Variants in FUT9 observed in about 807,000 individuals in gnomAD.
FUT9 encodes the protein fucosyltransferase 9, also known as 4-galactosyl-N-acetylglucosaminide 3-alpha-L-fucosyltransferase 9.
Under a neutral mutation model 29.7 loss-of-function variants are expected in FUT9, and 15 were observed. The observed-to-expected ratio is 0.51, with a 90% CI of 0.34 to 0.78. The LOEUF (loss-of-function observed/expected upper bound fraction) is 0.78. FUT9 is among the 30% of genes least tolerant of loss of function. The pLI is 0.01. For missense variants in FUT9, 319 were observed against 425.4 expected, an observed-to-expected ratio of 0.75 and a Z score of 2.20; for synonymous variants, 169 against 153.7, an observed-to-expected ratio of 1.10 and a Z score of -0.74.
chr6:96,183,867 G>A (rs750092494), intron 2 of FUT9, among the ~76,000 whole-genome samples: 1 of 151,884 alleles, frequency 6.6e-6, no homozygotes, highest in Non-Finnish European at 1.5e-5. Context: ...AAGGAATTTT[G>A]CATCTATGTT....
rs575916082 is a variant in FUT9, at chr6:96,129,087, C to A, written c.-9+14960C>A. Among the ~76,000 whole-genome samples the A allele has an allele frequency of 1.7e-3, 242 of 141,106 alleles. 1 individual carries two copies. Among genetic ancestry groups the A allele is most frequent in the African/African-American group, 6.1e-3 (238 of 39,042 alleles). 92.6% of individuals were successfully genotyped at this position (141,106 alleles called of 152,430 possible). A position where few individuals can be genotyped will look rare whatever the true frequency, so the allele number is the denominator to read the frequency against. ...CTTGGCTAACACGGTGAAACCCTGT[C>A]TCTACTAAAAATACAAAAAAAAAAA... On this transcript the variant is annotated intron_variant, in intron 2 of 2. Transcript: ENST00000302103.
At chr6:96,132,820 G>T (rs1038430574) in intron 2 of FUT9, among the ~76,000 whole-genome samples, 9 of 152,030 alleles carry the variant, frequency 5.9e-5, no homozygotes, top group African/African-American at 2.2e-4. Context: ...AAGTATAATT[G>T]CCCAAGCAAA....
chr6:96,155,449 G>A (rs1352001169), intron 2 of FUT9, among the ~76,000 whole-genome samples: 1 of 152,000 alleles, frequency 6.6e-6, no homozygotes, highest in Non-Finnish European at 1.5e-5. Flanking sequence ...GTCCCTATAA[G>A]AAAAGCAAGA....
chr6:96,178,566 A>G (rs1319788605), intron 2 of FUT9, among the ~76,000 whole-genome samples: 1 of 152,164 alleles, frequency 6.6e-6, no homozygotes, highest in Non-Finnish European at 1.5e-5. Context: ...AATGCTAATG[A>G]GTCTCTTCGT....
chr6:96,074,943 AT>A (rs879728071), intron 1 of FUT9, among the ~76,000 whole-genome samples: 100 of 146,476 alleles, frequency 6.8e-4, no homozygotes, highest in Middle Eastern at 3.6e-3. Flanking sequence ...TGGCCAGCGA[AT>A]TTTTTTTTTT....
intron 2 of FUT9, among the ~76,000 whole-genome samples, chr6:96,184,821 A>ATC (rs540527913): frequency 6.6e-6 from 1 of 151,910 alleles, no homozygotes; most frequent in Non-Finnish European, 1.5e-5. Flanking sequence ...AGAGAGAAGC[A>ATC]TCTCTATTTT....
At chr6:96,057,792 G>C (rs1343625046) in intron 1 of FUT9, among the ~76,000 whole-genome samples, 1 of 152,108 alleles carries the variant, frequency 6.6e-6, no homozygotes, top group Non-Finnish European at 1.5e-5. Flanking sequence ...AGAGGACTTA[G>C]GAAGTTTTGA....
intron 2 of FUT9, among the ~76,000 whole-genome samples, chr6:96,170,403 T>C (rs921012925): frequency 6.6e-6 from 1 of 152,176 alleles, no homozygotes; most frequent in African/African-American, 2.4e-5. Context: ...GGATTTTTTC[T>C]AACCATAAAC....
At chr6:96,026,496 A>G (rs9404150) in intron 1 of FUT9, among the ~76,000 whole-genome samples, 25,296 of 151,624 alleles carry the variant, frequency 0.17, 2,831 homozygotes, top group East Asian at 0.34. Context: ...AGCCTAAACC[A>G]CAAAATATAT....
In FUT9 at chr6:96,044,998, T is replaced by C. The variant is rs140513445; in HGVS notation, c.-98+28786T>C. ...ACTGATTTCATTTGCTAAAGTTCGA[T>C]AAAATATGGGGAGTCAATCTAATTT... is the stretch of plus-strand genomic sequence containing the variant. On this transcript the variant is annotated intron_variant, in intron 1 of 2. Transcript: ENST00000302103. 3.0e-3 allele frequency among the ~76,000 whole-genome samples: 452 copies of C among 152,272 alleles called. 1 individual carries two copies. Among genetic ancestry groups the C allele is most frequent in the African/African-American group, 0.011 (438 of 41,558 alleles).
intron 1 of FUT9, among the ~76,000 whole-genome samples, chr6:96,103,327 C>G (rs1052639212): frequency 6.6e-6 from 1 of 152,070 alleles, no homozygotes; most frequent in African/African-American, 2.4e-5. Flanking sequence ...CTTATTCTGC[C>G]TTCTTTATAT....
chr6:96,094,725 C>G (rs984873409), intron 1 of FUT9, among the ~76,000 whole-genome samples: 1 of 152,032 alleles, frequency 6.6e-6, no homozygotes, highest in African/African-American at 2.4e-5. Flanking sequence ...TAAAAACATA[C>G]CTGAATAGGG....
At chr6:96,049,784 A>T (rs1297137343) in intron 1 of FUT9, among the ~76,000 whole-genome samples, 1 of 152,210 alleles carries the variant, frequency 6.6e-6, no homozygotes, top group Non-Finnish European at 1.5e-5. Flanking sequence ...CACAGAAAAG[A>T]GAGAACAAGA....
intron 2 of FUT9, among the ~76,000 whole-genome samples, chr6:96,181,446 T>A (rs9377476): frequency 1.9e-4 from 28 of 149,802 alleles, no homozygotes; most frequent in African/African-American, 5.6e-4. Context: ...TCTTTTTTAA[T>A]TTTTTTTTCA....
chr6:96,107,135 A>G (rs1157269355), intron 1 of FUT9, among the ~76,000 whole-genome samples: 1 of 152,166 alleles, frequency 6.6e-6, no homozygotes, highest in East Asian at 1.9e-4. Flanking sequence ...GAAAACATTC[A>G]TGATTTATTT....
At chr6:96,152,790 G>A (rs1772701927) in intron 2 of FUT9, among the ~76,000 whole-genome samples, 1 of 152,196 alleles carries the variant, frequency 6.6e-6, no homozygotes, top group Non-Finnish European at 1.5e-5. Context: ...TGACCATTCA[G>A]TTGATAAAGT....
chr6:96,115,664 C>T (rs1305993887), intron 2 of FUT9, among the ~76,000 whole-genome samples: 2 of 152,158 alleles, frequency 1.3e-5, no homozygotes, highest in South Asian at 2.1e-4. Context: ...TATAATGCTT[C>T]GGTTCTGCTA....
rs1395237167 is a variant in FUT9 at position 96,212,533 on chromosome 6, G to A, written c.*8298G>A. The A allele has an allele frequency of 2.5e-6, 1 of 404,740 alleles. No homozygotes were observed. The highest frequency in any genetic ancestry group is 4.5e-6 in the Non-Finnish European group (1 of 220,936). 25.1% of individuals were successfully genotyped at this position (404,740 alleles called of 1,614,324 possible). A position where few individuals can be genotyped will look rare whatever the true frequency, so the allele number is the denominator to read the frequency against. ...TTTGAGAACAAGATTTTACTTAGAAGGGAAAAAAAAGAACTTTCAGCTTAA... is the reference window on the plus strand; with the variant it reads ...TTTGAGAACAAGATTTTACTTAGAAAGGAAAAAAAAGAACTTTCAGCTTAA... On this transcript the variant is annotated 3_prime_UTR_variant, in exon 3 of 3. Transcript: ENST00000302103.
At chr6:96,167,843 T>A (rs1352441124) in intron 2 of FUT9, among the ~76,000 whole-genome samples, 1 of 152,114 alleles carries the variant, frequency 6.6e-6, no homozygotes, top group East Asian at 1.9e-4. Flanking sequence ...AGAGTGCTAC[T>A]GTGCTCAAGA....
Sources: gnomAD v4.1 joint callset for allele counts (sites outside exome capture counted in the v4.1 genomes callset) on GRCh38, gnomAD v4.1.1 for gene constraint, MANE v1.5 for transcripts, NCBI Gene and HGNC (gene_info 2026-07-23, HGNC 2026-07-21) for gene names.